Variants in TAS2R1 observed in about 807,000 individuals in gnomAD.
The protein encoded by TAS2R1 is taste receptor type 2 member 1.
For synonymous variants in TAS2R1, 141 were observed against 134.2 expected (o/e 1.05, Z -0.35); for missense variants, 370 against 353.4 (o/e 1.05, Z -0.38).
intron 1 of TAS2R1, among the ~76,000 whole-genome samples, chr5:9,680,922 G>A (rs1043973695): frequency 6.6e-6 from 1 of 152,014 alleles, no homozygotes; most frequent in African/African-American, 2.4e-5. Flanking sequence ...AATTAGCCAG[G>A]TATGGTGGCA....
chr5:9,858,262 G>A, the TAS2R1 span, among the ~76,000 whole-genome samples: 2 of 152,148 alleles, frequency 1.3e-5, no homozygotes, highest in Admixed American at 1.3e-4. Context: ...TATAGGTTCA[G>A]TCCAGAGGGA....
At chr5:9,823,195 T>C in the TAS2R1 span, among the ~76,000 whole-genome samples, 1 of 152,188 alleles carries the variant, frequency 6.6e-6, no homozygotes, top group Non-Finnish European at 1.5e-5. Flanking sequence ...TCTTCCCCTT[T>C]TGATAAGAGT....
intron 2 of TAS2R1, among the ~76,000 whole-genome samples, chr5:9,640,337 G>T: frequency 6.6e-6 from 1 of 151,686 alleles, no homozygotes; most frequent in East Asian, 1.9e-4. Context: ...AAAGATCATT[G>T]ATCACAGATC....
At chr5:9,632,990 A>C (rs1739896143), upstream of TAS2R1, among the ~76,000 whole-genome samples, 1 of 152,006 alleles carries the variant, frequency 6.6e-6, no homozygotes, top group South Asian at 2.1e-4. Flanking sequence ...CATCAGAGAA[A>C]TCACTGTCTA....
chr5:9,766,543 C>G, the TAS2R1 span, among the ~76,000 whole-genome samples: 1 of 152,206 alleles, frequency 6.6e-6, no homozygotes, highest in Non-Finnish European at 1.5e-5. Context: ...CCAGAGGTCA[C>G]CTGGGTTGGA....
the TAS2R1 span, among the ~76,000 whole-genome samples, chr5:9,725,419 G>A: frequency 6.6e-6 from 1 of 152,160 alleles, no homozygotes; most frequent in Non-Finnish European, 1.5e-5. Flanking sequence ...GGCTGGCCCT[G>A]CTGGCCCTGC....
chr5:9,869,096 ATCT>A, the TAS2R1 span, among the ~76,000 whole-genome samples: 2,075 of 152,076 alleles, frequency 0.014, 52 homozygotes, highest in African/African-American at 0.047. Context: ...ACATTTTCCT[ATCT>A]TCTTCTGAGC....
At chr5:9,800,829 T>A in the TAS2R1 span, among the ~76,000 whole-genome samples, 1 of 152,076 alleles carries the variant, frequency 6.6e-6, no homozygotes, top group Non-Finnish European at 1.5e-5. Context: ...GAAGATGGGG[T>A]CTTTGGGAGA....
chr5:9,762,219 GC>G, the TAS2R1 span, among the ~76,000 whole-genome samples: 3 of 152,140 alleles, frequency 2.0e-5, no homozygotes, highest in Admixed American at 6.6e-5. Flanking sequence ...TATCCTGTAA[GC>G]TTTTCACTCT....
intron 2 of TAS2R1, among the ~76,000 whole-genome samples, chr5:9,650,432 AT>A (rs1740280996): frequency 6.6e-6 from 1 of 152,018 alleles, no homozygotes; most frequent in South Asian, 2.1e-4. Context: ...GGACAGACCC[AT>A]TTCTACAGTG....
At chr5:9,741,597 G>C in the TAS2R1 span, among the ~76,000 whole-genome samples, 2 of 152,214 alleles carry the variant, frequency 1.3e-5, no homozygotes, top group Non-Finnish European at 2.9e-5. Context: ...TCTCGTGTAT[G>C]TTGGAAAACA....
chr5:9,762,061 G>C, the TAS2R1 span, among the ~76,000 whole-genome samples: 1 of 152,036 alleles, frequency 6.6e-6, no homozygotes, highest in Admixed American at 6.5e-5. Context: ...AAGACAAAAG[G>C]GCTCACCAAA....
At chr5:9,777,877 GT>G in the TAS2R1 span, among the ~76,000 whole-genome samples, 74 of 142,880 alleles carry the variant, frequency 5.2e-4, no homozygotes, top group South Asian at 9.0e-4. Context: ...GAGGCCAGGT[GT>G]TTTTTTTTTT....
At chr5:9,722,254 T>A in the TAS2R1 span, among the ~76,000 whole-genome samples, 1 of 152,216 alleles carries the variant, frequency 6.6e-6, no homozygotes, top group African/African-American at 2.4e-5. Context: ...TGCAACCTCA[T>A]GAAAGACTCA....
chr5:9,748,023 C>T, the TAS2R1 span, among the ~76,000 whole-genome samples: 50,240 of 151,816 alleles, frequency 0.33, 9,378 homozygotes, highest in Admixed American at 0.43. Context: ...AAAGAATGGA[C>T]ATGGTGGCTG....
At chr5:9,678,892 T>C (rs1216698148) in intron 1 of TAS2R1, among the ~76,000 whole-genome samples, 5 of 152,186 alleles carry the variant, frequency 3.3e-5, no homozygotes, top group African/African-American at 9.7e-5. Context: ...TGTTTACCTA[T>C]GTAACAAACT....
intron 2 of TAS2R1, among the ~76,000 whole-genome samples, chr5:9,640,661 C>T (rs1561366695): frequency 2.6e-5 from 4 of 152,240 alleles, no homozygotes; most frequent in Middle Eastern, 6.8e-3. Context: ...TGCACCTGTC[C>T]TTTCTATTGC....
At chr5:9,824,334 A>G in the TAS2R1 span, among the ~76,000 whole-genome samples, 5 of 152,296 alleles carry the variant, frequency 3.3e-5, 1 homozygote, top group South Asian at 8.3e-4. Context: ...GTCTTTTCTG[A>G]TCTGGAACTT....
At chr5:9,742,837 T>C in the TAS2R1 span, among the ~76,000 whole-genome samples, 1 of 151,836 alleles carries the variant, frequency 6.6e-6, no homozygotes, top group Non-Finnish European at 1.5e-5. Flanking sequence ...AAGTTCTTAA[T>C]GGAAGGGGAG....
Sources: gnomAD v4.1 joint callset for allele counts (sites outside exome capture counted in the v4.1 genomes callset) on GRCh38, gnomAD v4.1.1 for gene constraint, MANE v1.5 for transcripts, NCBI Gene and HGNC (gene_info 2026-07-23, HGNC 2026-07-21) for gene names.